PREX2: variants seen among roughly 807,000 people sequenced by gnomAD.
The protein encoded by PREX2 is phosphatidylinositol-3,4,5-trisphosphate dependent Rac exchange factor 2.
A neutral mutation model predicts 203.2 loss-of-function variants in PREX2; 107 were observed. That is an observed-to-expected ratio of 0.53 (90% CI 0.45 to 0.62). The LOEUF (loss-of-function observed/expected upper bound fraction) is 0.62, where lower values mean the gene tolerates loss of function less well. PREX2 is among the 20% of genes least tolerant of loss of function. PREX2 has a pLI of 0.00. For missense variants in PREX2, 1,777 were observed against 1,955.9 expected (o/e 0.91, Z 1.72); for synonymous variants, 672 against 663.6 (o/e 1.01, Z -0.19).
chr8:67,978,425 T>G (rs933126592), intron 1 of PREX2, among the ~76,000 whole-genome samples: 27 of 152,172 alleles, frequency 1.8e-4, no homozygotes, highest in African/African-American at 5.8e-4. Flanking sequence ...CACCATAGAT[T>G]GTTTTGTCTG....
In PREX2 at chr8:68,120,364, A is replaced by T. The variant is rs139451395; in HGVS notation, c.3595+78A>T. The T allele has an allele frequency of 1.0e-4, 94 of 912,996 alleles. 1 individual carries two copies. The African/African-American group carries it at 1.1e-3, about 11-fold the overall frequency. 56.6% of individuals were successfully genotyped at this position (912,996 alleles called of 1,614,324 possible). A position where few individuals can be genotyped will look rare whatever the true frequency, so the allele number is the denominator to read the frequency against. Reference sequence around the variant, plus strand: ...GACAATATAGTCATGAAGCAAGCAGATTGCATAAGAGGAACAATTCCAGTT... The same window carrying T: ...GACAATATAGTCATGAAGCAAGCAGTTTGCATAAGAGGAACAATTCCAGTT... On this transcript the variant is annotated intron_variant, in intron 29 of 39. Transcript: ENST00000288368.
intron 35 of PREX2, among the ~76,000 whole-genome samples, chr8:68,180,390 C>G (rs1390743530): frequency 6.6e-6 from 1 of 151,978 alleles, no homozygotes; most frequent in Non-Finnish European, 1.5e-5. Context: ...TTATTTTTAC[C>G]TTTTTATCCC....
chr8:68,064,481 A>C (rs1808956507), intron 11 of PREX2, among the ~76,000 whole-genome samples: 1 of 151,392 alleles, frequency 6.6e-6, no homozygotes. Flanking sequence ...CGATCCTCCT[A>C]CCTTAGCCTT....
At chr8:68,171,433 T>C (rs376078272) in intron 35 of PREX2, among the ~76,000 whole-genome samples, 20 of 152,100 alleles carry the variant, frequency 1.3e-4, no homozygotes, top group African/African-American at 4.3e-4. Context: ...TCACTGTTCG[T>C]ATGATAGTGT....
intron 1 of PREX2, among the ~76,000 whole-genome samples, chr8:67,978,643 T>C (rs1464176455): frequency 6.6e-6 from 1 of 152,340 alleles, no homozygotes; most frequent in Non-Finnish European, 1.5e-5. Flanking sequence ...AGTTGTCGAC[T>C]ATTGTGGATA....
chr8:68,119,557 T>G, intron 28 of PREX2, 43 bp downstream of exon 28: 2 of 1,400,636 alleles, frequency 1.4e-6, no homozygotes, highest in Non-Finnish European at 2.0e-6. Flanking sequence ...ACAACTAAAC[T>G]GTGAGGAGTC....
At chr8:68,128,425 C>A (rs1810938738) in intron 31 of PREX2, among the ~76,000 whole-genome samples, 1 of 146,398 alleles carries the variant, frequency 6.8e-6, no homozygotes, top group African/African-American at 2.6e-5. Flanking sequence ...TTATTGCTTA[C>A]CTGTCTAGTG....
chr8:68,111,046 A>G lies in PREX2; in HGVS notation c.3146+1423A>G, dbSNP rs1437421388. 59 of 304,286 alleles carry G rather than the reference A, an allele frequency of 1.9e-4. 2 individuals carry two copies. The Admixed American group carries it at 2.6e-3, about 13-fold the overall frequency. The allele number at this position is 304,286 out of a possible 1,614,324, so 18.8% of individuals were successfully genotyped here. A position where few individuals can be genotyped will look rare whatever the true frequency, so the allele number is the denominator to read the frequency against. ...GTGACAGCAGTTTATATTTTAGGAT[A>G]TGATATTTTACTTCATTTAATAAAT... is the stretch of plus-strand genomic sequence containing the variant. On this transcript the variant is annotated intron_variant, in intron 25 of 39. Coordinates refer to ENST00000288368, the MANE Select transcript of PREX2 (RefSeq NM_024870.4).
At chr8:67,979,131 T>C (rs1202288746) in intron 1 of PREX2, among the ~76,000 whole-genome samples, 3 of 152,196 alleles carry the variant, frequency 2.0e-5, no homozygotes, top group Admixed American at 2.0e-4. Flanking sequence ...GACAGGATAC[T>C]AATAAACAGC....
In PREX2 at chr8:68,097,158, A is replaced by C; in HGVS notation, c.2510A>C (p.Glu837Ala). The C allele has an allele frequency of 6.2e-7, 1 of 1,613,842 alleles. No homozygotes were observed. Among genetic ancestry groups the C allele is most frequent in the Non-Finnish European group, 8.5e-7 (1 of 1,179,846 alleles). The change falls in exon 22 of 40, where the codon GAA (glutamate) becomes GCA (alanine). Residue 837 changes from glutamate to alanine, a missense_variant. Coordinates refer to ENST00000288368, the MANE Select transcript of PREX2 (RefSeq NM_024870.4). ...GCTGGCATCAAGTGCAATGTGGTGGAAAAGATGATTGAGCCCAAAGGTTTC... is the reference window on the plus strand; with the variant it reads ...GCTGGCATCAAGTGCAATGTGGTGGCAAAGATGATTGAGCCCAAAGGTTTC... ...STAGIKCNVV[E>A]KMIEPKGFFS...
rs1222948221 is a variant in PREX2 at position 68,055,872 on chromosome 8, C to T, written c.1136C>T (p.Ser379Phe). ...GAGCAAGATACCTGGGTCATGATCTCTGAACAGGGTGAGAAACTTTATAAA... is the reference window on the plus strand; with the variant it reads ...GAGCAAGATACCTGGGTCATGATCTTTGAACAGGGTGAGAAACTTTATAAA... ...GMEQDTWVMI[S>F]EQGEKLYKMM... is the part of the protein sequence containing the mutation. Residue 379 changes from serine to phenylalanine, a missense_variant, in exon 10 of 40, where the codon TCT becomes TTT. Ser to Phe is a radical substitution (Grantham distance 155, BLOSUM62 -2). Coordinates refer to ENST00000288368, the MANE Select transcript of PREX2 (RefSeq NM_024870.4). 1.2e-6 allele frequency: 2 copies of T among 1,613,646 alleles called. No individual in the cohort carries two copies. Among genetic ancestry groups the T allele is most frequent in the South Asian group, 1.1e-5 (1 of 91,016 alleles).
At chr8:68,022,693 T>C (rs113229383) in intron 4 of PREX2, among the ~76,000 whole-genome samples, 12 of 152,152 alleles carry the variant, frequency 7.9e-5, no homozygotes, top group African/African-American at 2.2e-4. Context: ...TTCAGTGATA[T>C]TTAGCAGAGT....
chr8:68,152,408 A>G (rs1811458266), intron 34 of PREX2, among the ~76,000 whole-genome samples: 2 of 151,326 alleles, frequency 1.3e-5, no homozygotes, highest in Non-Finnish European at 1.5e-5. Flanking sequence ...CAGGATGGAG[A>G]TTTCCAAAAT....
intron 31 of PREX2, among the ~76,000 whole-genome samples, chr8:68,131,938 C>G (rs951211273): frequency 6.6e-6 from 1 of 151,976 alleles, no homozygotes; most frequent in Non-Finnish European, 1.5e-5. Flanking sequence ...AAAAATTCAC[C>G]CAGATTTTCT....
intron 35 of PREX2, among the ~76,000 whole-genome samples, chr8:68,170,874 A>G (rs1315349099): frequency 6.6e-6 from 1 of 152,092 alleles, no homozygotes; most frequent in Non-Finnish European, 1.5e-5. Context: ...CATTCATTTT[A>G]ATGTATTCTG....
rs1813189062 is a variant in PREX2, at chr8:68,232,620, T to TA, written c.*1242_*1243insA. ...TAAATTATGTGCAAACTATTATTAA[T>TA]TTTTTTTTTATTTTTTGAAACTGAG... On this transcript the variant is annotated 3_prime_UTR_variant, in exon 40 of 40. Transcript: ENST00000288368. 6.6e-6 allele frequency: 1 copy of TA among 150,902 alleles called. No individual in the cohort carries two copies. Among genetic ancestry groups the TA allele is most frequent in the South Asian group, 2.1e-4 (1 of 4,742 alleles). 9.3% of individuals were successfully genotyped at this position (150,902 alleles called of 1,614,324 possible). A position where few individuals can be genotyped will look rare whatever the true frequency, so the allele number is the denominator to read the frequency against.
intron 33 of PREX2, 48 bp from the exon 34 acceptor site, chr8:68,146,161 A>G (rs1248127057): frequency 1.5e-6 from 2 of 1,344,524 alleles, no homozygotes; most frequent in Admixed American, 1.9e-5. Context: ...AGTACCATCT[A>G]GCATATCCTT....
chr8:68,056,124 A>G (rs927182889), intron 10 of PREX2, 150 bp downstream of exon 10: 1 of 705,858 alleles, frequency 1.4e-6, no homozygotes, highest in East Asian at 2.7e-5. Context: ...CGGTAGCAGG[A>G]TGAAGGAATG....
At position 67,952,251 on chromosome 8, in the gene PREX2, C is replaced by T. The variant is rs539649090; in HGVS notation, c.-144C>T. ...TCCTCTCCCTGCGCCCAGCCTCTCC[C>T]CAGCATGTAAAGTCTTCTGTCTCTC... On this transcript the variant is annotated 5_prime_UTR_variant, in exon 1 of 40. Transcript: ENST00000288368. 1.8e-4 allele frequency: 112 copies of T among 637,606 alleles called. 1 individual carries two copies. In the East Asian group the frequency reaches 4.2e-3, roughly 24 times the overall value. The allele number at this position is 637,606 out of a possible 1,614,324, so 39.5% of individuals were successfully genotyped here. A position where few individuals can be genotyped will look rare whatever the true frequency, so the allele number is the denominator to read the frequency against.
Sources: allele counts gnomAD v4.1 joint callset (sites outside exome capture counted in the v4.1 genomes callset), GRCh38; gene constraint gnomAD v4.1.1; transcripts MANE v1.5; gene names NCBI Gene and HGNC (gene_info 2026-07-23, HGNC 2026-07-21).